The following POFUT2 variants were observed in gnomAD, a reference collection of about 807,000 sequenced individuals.
POFUT2 encodes GDP-fucose protein O-fucosyltransferase 2.
Under a neutral mutation model 55.0 loss-of-function variants are expected in POFUT2, and 30 were observed. The observed-to-expected ratio is 0.55, with a 90% confidence interval of 0.41 to 0.74. The LOEUF is 0.74. POFUT2 is among the 30% of genes least tolerant of loss of function. The pLI is 0.00. For missense variants in POFUT2, 524 were observed against 562.6 expected (o/e 0.93, Z 0.69); for synonymous variants, 267 against 231.1 (o/e 1.16, Z -1.41).
intron 6 of POFUT2, among the ~76,000 whole-genome samples, chr21:45,276,005 A>G (rs1209046429): frequency 6.6e-6 from 1 of 152,212 alleles, no homozygotes; most frequent in Non-Finnish European, 1.5e-5. Context: ...CCTGGCCAAC[A>G]TGGGAAAATC....
chr21:45,271,859 C>A (rs1301406215), intron 6 of POFUT2, among the ~76,000 whole-genome samples: 2 of 152,152 alleles, frequency 1.3e-5, no homozygotes, highest in Non-Finnish European at 2.9e-5. Flanking sequence ...AGAGAATTCA[C>A]CACTCCCAAA....
At position 45,267,189 on chromosome 21, in the gene POFUT2, GC is replaced by G. The variant is rs2093163611; in HGVS notation, c.1136+400del. The G allele has an allele frequency of 7.4e-7, 1 of 1,358,836 alleles. No homozygotes were observed. Among genetic ancestry groups the G allele is most frequent in the Non-Finnish European group, 9.5e-7 (1 of 1,052,986 alleles). 84.2% of individuals were successfully genotyped at this position (1,358,836 alleles called of 1,614,324 possible). On this transcript the variant is annotated intron_variant, in intron 8 of 8. Coordinates refer to ENST00000349485, the MANE Select transcript of POFUT2 (RefSeq NM_133635.6). This position sits in a 1 kb window ranked among gnomAD's most constrained non-coding sequence, Gnocchi z 4.4. ...GATCACACGAGGGCCCACGCTCCCG[GC>G]CTCGGGGACGCTCACGGATGCTCAA...
chr21:45,278,833 G>A (rs2030162796), intron 4 of POFUT2, among the ~76,000 whole-genome samples: 1 of 152,148 alleles, frequency 6.6e-6, no homozygotes, highest in African/African-American at 2.4e-5. Context: ...TCGCAGGCAG[G>A]TGCCTCCTCC....
intron 6 of POFUT2, among the ~76,000 whole-genome samples, chr21:45,276,709 TCCGCGCTCCTGGCCTTG>T (rs1250605358): frequency 2.6e-5 from 4 of 152,168 alleles, no homozygotes; most frequent in Admixed American, 6.5e-5. Flanking sequence ...AGCTCCTGCT[TCCGCGCTCCTGGCCTTG>T]CCGCGCTCTG....
intron 4 of POFUT2, among the ~76,000 whole-genome samples, chr21:45,280,406 C>A (rs920142179): frequency 6.6e-6 from 1 of 152,172 alleles, no homozygotes; most frequent in Non-Finnish European, 1.5e-5. Flanking sequence ...CTGAGGGGTG[C>A]ACGTGTTTTC....
At chr21:45,286,078 A>C in intron 1 of POFUT2, 150 bp from the exon 2 acceptor site, 1 of 657,738 alleles carries the variant, frequency 1.5e-6, no homozygotes, top group Non-Finnish European at 2.6e-6. Context: ...CTGTTTCTCT[A>C]TGACCAGTTA....
Position 45,282,271 on chromosome 21 carries a change from C to T in POFUT2, c.638+78G>A, listed in dbSNP as rs187896555. 4.8e-4 allele frequency: 459 copies of T among 946,492 alleles called. 4 individuals are homozygous for T. In the African/African-American group the frequency reaches 6.5e-3, roughly 13 times the overall value. 58.6% of individuals were successfully genotyped at this position (946,492 alleles called of 1,614,324 possible). On this transcript the variant is annotated intron_variant, in intron 4 of 8. Transcript: ENST00000349485. This position sits in a 1 kb window ranked among gnomAD's most constrained non-coding sequence, Gnocchi z 4.6. ...TGGGCCAGGGATGCGGGAGTATGGG[C>T]GGAGAGCCCCCAGCCCAGCATGCAC...
chr21:45,277,700 A>C lies in POFUT2; in HGVS notation c.705+403T>G. 4.4e-6 allele frequency: 1 copy of C among 229,010 alleles called. No homozygotes were observed. The highest frequency in any genetic ancestry group is 8.7e-6 in the Non-Finnish European group (1 of 114,968). 14.2% of individuals were successfully genotyped at this position (229,010 alleles called of 1,614,324 possible). On this transcript the variant is annotated intron_variant, in intron 5 of 8. Coordinates refer to ENST00000349485, the MANE Select transcript of POFUT2 (RefSeq NM_133635.6). This position sits in a 1 kb window ranked among gnomAD's most constrained non-coding sequence, Gnocchi z 6.9. ...TCACAGAACCAGGGGTGGCTATGGG[A>C]AGTCACCCCATCAATGCGGAAATCA...
chr21:45,272,903 G>A (rs2093231034), intron 6 of POFUT2, among the ~76,000 whole-genome samples: 2 of 152,118 alleles, frequency 1.3e-5, no homozygotes, highest in Admixed American at 6.5e-5. Context: ...CAAAAGTGGT[G>A]CCAAGAGGAA....
intron 8 of POFUT2, chr21:45,266,391 G>C: frequency 8.3e-7 from 1 of 1,211,332 alleles, no homozygotes; most frequent in Non-Finnish European, 1.1e-6. Flanking sequence ...GGGCCTGCCA[G>C]AGCAGGCCGC....
intron 6 of POFUT2, among the ~76,000 whole-genome samples, chr21:45,275,278 T>A (rs2093252566): frequency 6.6e-6 from 1 of 152,220 alleles, no homozygotes; most frequent in Non-Finnish European, 1.5e-5. Flanking sequence ...ATAATGGATG[T>A]CGGCACGGAT....
chr21:45,272,440 C>G (rs900855300), intron 6 of POFUT2, among the ~76,000 whole-genome samples: 2 of 152,130 alleles, frequency 1.3e-5, no homozygotes, highest in African/African-American at 4.8e-5. Flanking sequence ...ATGAGATAGA[C>G]AGCAATACAA....
In POFUT2 at chr21:45,286,744, T is replaced by C. The variant is rs560336395; in HGVS notation, c.132-816A>G. On this transcript the variant is annotated intron_variant, in intron 1 of 8. Coordinates refer to ENST00000349485, the MANE Select transcript of POFUT2 (RefSeq NM_133635.6). ...AAACCCTGTCCCTGGCGCTCTCCTT[T>C]CCCTGCTCTGCGCTGGTTTTCCATA... Among the ~76,000 whole-genome samples the C allele has an allele frequency of 5.2e-3, 793 of 151,890 alleles. 6 individuals are homozygous for C. Among genetic ancestry groups the C allele is most frequent in the African/African-American group, 0.018 (731 of 41,548 alleles).
intron 4 of POFUT2, 69 bp from the exon 5 acceptor site, chr21:45,278,238 C>A (rs533312261): frequency 5.9e-6 from 8 of 1,351,264 alleles, no homozygotes; most frequent in Non-Finnish European, 8.5e-6. Context: ...ACTCTCAGAG[C>A]ACAAACTGGG....
rs115319628 is a variant in POFUT2, at chr21:45,281,460, C to A, written c.638+889G>T. On this transcript the variant is annotated intron_variant, in intron 4 of 8. Transcript: ENST00000349485. This position sits in a 1 kb window ranked among gnomAD's most constrained non-coding sequence, Gnocchi z 5.0. Reference sequence around the variant, plus strand: ...CCGGGCTGGCTGAGCAGCAGACACGCGGGCCTGTGATGGAGCCACCTGCCT... The same window carrying A: ...CCGGGCTGGCTGAGCAGCAGACACGAGGGCCTGTGATGGAGCCACCTGCCT... Among the ~76,000 whole-genome samples, 2 of 152,192 alleles carry A rather than the reference C, an allele frequency of 1.3e-5. No individual in the cohort carries two copies. Among genetic ancestry groups the A allele is most frequent in the Non-Finnish European group, 2.9e-5 (2 of 68,040 alleles).
rs1050240971 is a variant in POFUT2, at chr21:45,277,714, A to G, written c.705+389T>C. 16 of 244,756 alleles carry G rather than the reference A, an allele frequency of 6.5e-5. No individual in the cohort carries two copies. Among genetic ancestry groups the G allele is most frequent in the Non-Finnish European group, 1.1e-4 (14 of 124,450 alleles). The allele number at this position is 244,756 out of a possible 1,614,324, so 15.2% of individuals were successfully genotyped here. A position where few individuals can be genotyped will look rare whatever the true frequency, so the allele number is the denominator to read the frequency against. ...GTGGCTATGGGAAGTCACCCCATCA[A>G]TGCGGAAATCAACGCCAACGGAAAA... On this transcript the variant is annotated intron_variant, in intron 5 of 8. Coordinates refer to ENST00000349485, the MANE Select transcript of POFUT2 (RefSeq NM_133635.6). The surrounding 1 kb of genome is among the most constrained non-coding windows in gnomAD (Gnocchi z 6.9).
chr21:45,275,734 C>T (rs969154532), intron 6 of POFUT2, among the ~76,000 whole-genome samples: 9 of 152,120 alleles, frequency 5.9e-5, no homozygotes, highest in Non-Finnish European at 1.2e-4. Flanking sequence ...ACTTTGGGGA[C>T]TCGAGGGGAA....
chr21:45,278,640 G>A (rs1451764602), intron 4 of POFUT2, among the ~76,000 whole-genome samples: 1 of 152,180 alleles, frequency 6.6e-6, no homozygotes. Context: ...GCCATTCCTG[G>A]GCAGGCATTC....
intron 7 of POFUT2, among the ~76,000 whole-genome samples, chr21:45,269,455 C>G (rs1392254819): frequency 6.6e-6 from 1 of 152,094 alleles, no homozygotes; most frequent in Admixed American, 6.5e-5. Flanking sequence ...AAAAATTCTT[C>G]TGCCTTGGGA....
Sources: allele counts gnomAD v4.1 joint callset (sites outside exome capture counted in the v4.1 genomes callset), GRCh38; gene constraint gnomAD v4.1.1; non-coding constraint Gnocchi (gnomAD v3.1); transcripts MANE v1.5; gene names NCBI Gene and HGNC (gene_info 2026-07-23, HGNC 2026-07-21).